The following LRP1B variants were observed in gnomAD, a reference collection of about 807,000 sequenced individuals.
LRP1B encodes low-density lipoprotein receptor-related protein 1B.
A neutral mutation model predicts 556.6 loss-of-function variants in LRP1B; 217 were observed. The ratio of observed to expected loss-of-function variants is 0.39; its 90% CI spans 0.35 to 0.44. The LOEUF is 0.44. Ranked by LOEUF, LRP1B falls within the 20% of genes least tolerant of loss-of-function variation. LRP1B has a pLI of 1.00. For missense variants in LRP1B, 5,053 were observed against 5,620.8 expected (o/e 0.90, Z 3.23); for synonymous variants, 2,047 against 1,865.8 (o/e 1.10, Z -2.50).
chr2:141,082,307 A>T (rs1244090963), intron 7 of LRP1B, among the ~76,000 whole-genome samples: 1 of 151,932 alleles, frequency 6.6e-6, no homozygotes, highest in Admixed American at 6.6e-5. Flanking sequence ...TGAGGTTCAA[A>T]TGAGCAAGTT....
intron 3 of LRP1B, among the ~76,000 whole-genome samples, chr2:141,258,218 G>A (rs1684553292): frequency 6.6e-6 from 1 of 152,154 alleles, no homozygotes; most frequent in Non-Finnish European, 1.5e-5. Flanking sequence ...GGAAGTGGTG[G>A]CTCACACTTA....
At chr2:140,592,449 T>C (rs970796453) in intron 43 of LRP1B, among the ~76,000 whole-genome samples, 3 of 151,980 alleles carry the variant, frequency 2.0e-5, no homozygotes, top group Admixed American at 2.0e-4. Flanking sequence ...ATATTTCCTT[T>C]TTTTTTTTAG....
chr2:140,825,332 C>T lies in LRP1B; in HGVS notation c.5210-11526G>A, dbSNP rs141702477. ...GCTGGAGTGGGAAGTTTCGGTCACACTGCACTTCCTTTTAGATTCTAAACT... is the reference window on the plus strand; with the variant it reads ...GCTGGAGTGGGAAGTTTCGGTCACATTGCACTTCCTTTTAGATTCTAAACT... On this transcript the variant is annotated intron_variant, in intron 31 of 90. Coordinates refer to ENST00000389484, the MANE Select transcript of LRP1B (RefSeq NM_018557.3). Among the ~76,000 whole-genome samples the T allele has an allele frequency of 6.6e-3, 1,010 of 152,294 alleles. 14 individuals carry two copies. The highest frequency in any genetic ancestry group is 0.023 in the African/African-American group (959 of 41,562).
chr2:140,344,134 A>G lies in LRP1B; in HGVS notation c.11892+6663T>C, dbSNP rs571102937. Reference sequence around the variant, plus strand: ...ATGCTCTAGATGTACCAGCATGTAAATTTATACAAAAATATTTGCATGGTA... The same window carrying G: ...ATGCTCTAGATGTACCAGCATGTAAGTTTATACAAAAATATTTGCATGGTA... On this transcript the variant is annotated intron_variant, in intron 77 of 90. Transcript: ENST00000389484. 3.0e-4 allele frequency among the ~76,000 whole-genome samples: 45 copies of G among 151,952 alleles called. 1 individual carries two copies. The South Asian group carries it at 5.6e-3, about 19-fold the overall frequency.
intron 1 of LRP1B, among the ~76,000 whole-genome samples, chr2:142,088,976 AAAAAAAAAAAAAAAAAAAAAG>A (rs1426835780): frequency 2.7e-5 from 1 of 37,722 alleles, no homozygotes; most frequent in South Asian, 1.1e-3. Context: ...CTCCGTCTCA[AAAAAAAAAAAAAAAAAAAAAG>A]AAAAAGAAAA....
intron 43 of LRP1B, among the ~76,000 whole-genome samples, chr2:140,551,953 T>TA (rs1680561763): frequency 6.6e-6 from 1 of 152,138 alleles, no homozygotes; most frequent in Admixed American, 6.6e-5. Context: ...CTGTGATAGA[T>TA]ACTATTTTAA....
At position 141,803,982 on chromosome 2, in the gene LRP1B, A is replaced by G. The variant is rs538520762; in HGVS notation, c.205+6297T>C. ...ATTCATGCAGATTCACATCTCACCTAATGACTTATAGACATTTTCATTTTT... is the reference window on the plus strand; with the variant it reads ...ATTCATGCAGATTCACATCTCACCTGATGACTTATAGACATTTTCATTTTT... On this transcript the variant is annotated intron_variant, in intron 2 of 90. Coordinates refer to ENST00000389484, the MANE Select transcript of LRP1B (RefSeq NM_018557.3). 2.0e-5 allele frequency among the ~76,000 whole-genome samples: 3 copies of G among 152,218 alleles called. No individual in the cohort carries two copies. In the South Asian group the frequency reaches 6.2e-4, roughly 32 times the overall value.
intron 7 of LRP1B, among the ~76,000 whole-genome samples, chr2:141,184,616 A>C (rs1019086491): frequency 8.6e-5 from 13 of 151,336 alleles, no homozygotes; most frequent in Non-Finnish European, 1.2e-4. Context: ...AAAAAAAAAA[A>C]CAGGGTTTTC....
Position 140,385,881 on chromosome 2 carries a change from A to C in LRP1B, c.10531+12T>G. ...GTCAAGCTCAAAACATTATTAGGCA[A>C]GAGTTACTTACTACAGTTTTCTTCA... On this transcript the variant is annotated intron_variant, in intron 67 of 90. Coordinates refer to ENST00000389484, the MANE Select transcript of LRP1B (RefSeq NM_018557.3). 2.6e-6 allele frequency: 4 copies of C among 1,554,238 alleles called. No homozygotes were observed. Among genetic ancestry groups the C allele is most frequent in the Non-Finnish European group, 3.6e-6 (4 of 1,125,906 alleles).
At chr2:140,255,841 C>T (rs1464493663) in intron 86 of LRP1B, among the ~76,000 whole-genome samples, 1 of 152,106 alleles carries the variant, frequency 6.6e-6, no homozygotes, top group African/African-American at 2.4e-5. Context: ...AACATTAATC[C>T]ACTATGGGAA....
rs915204184 is a variant in LRP1B at position 140,593,498 on chromosome 2, A to AT, written c.7194+5132dup. On this transcript the variant is annotated intron_variant, in intron 43 of 90. Coordinates refer to ENST00000389484, the MANE Select transcript of LRP1B (RefSeq NM_018557.3). ...GAAACATTACAGAATTATTTTCTGG[A>AT]TTTTTTTGCCTTAATAACTAAATTT... 1.5e-4 allele frequency among the ~76,000 whole-genome samples: 23 copies of AT among 152,262 alleles called. No individual in the cohort carries two copies. In the South Asian group the frequency reaches 1.9e-3, roughly 12 times the overall value.
chr2:140,430,848 G>C (rs1255528635), intron 66 of LRP1B, among the ~76,000 whole-genome samples: 1 of 152,118 alleles, frequency 6.6e-6, no homozygotes, highest in Non-Finnish European at 1.5e-5. Context: ...TACCCCTCAG[G>C]GATTGTTCAG....
chr2:141,831,391 C>T (rs936373484), intron 1 of LRP1B, among the ~76,000 whole-genome samples: 4 of 151,482 alleles, frequency 2.6e-5, no homozygotes, highest in Admixed American at 2.0e-4. Flanking sequence ...GTTATGTCTC[C>T]ATTTAAAAGT....
chr2:141,314,660 G>A lies in LRP1B; in HGVS notation c.344-60019C>T, dbSNP rs142910637. On this transcript the variant is annotated intron_variant, in intron 3 of 90. Coordinates refer to ENST00000389484, the MANE Select transcript of LRP1B (RefSeq NM_018557.3). ...GAAAAAATTAGCCGGGCGTGGTGGC[G>A]GGCACTGGTAGTCCCACCTAATCGG... 3.7e-3 allele frequency among the ~76,000 whole-genome samples: 562 copies of A among 151,166 alleles called. 7 individuals carry two copies. Among genetic ancestry groups the A allele is most frequent in the African/African-American group, 0.012 (510 of 41,212 alleles).
chr2:140,327,845 A>G (rs909867716), intron 79 of LRP1B, among the ~76,000 whole-genome samples: 7 of 152,138 alleles, frequency 4.6e-5, no homozygotes, highest in Non-Finnish European at 7.4e-5. Flanking sequence ...AGCTCTGGCC[A>G]TATTTTGTAC....
At chr2:142,090,006 GA>G (rs1172095034) in intron 1 of LRP1B, among the ~76,000 whole-genome samples, 2 of 151,826 alleles carry the variant, frequency 1.3e-5, no homozygotes, top group African/African-American at 2.4e-5. Flanking sequence ...GTTGCTGTCA[GA>G]AAAAAAGTAA....
At chr2:141,486,249 A>G (rs528399625) in intron 2 of LRP1B, among the ~76,000 whole-genome samples, 63 of 152,304 alleles carry the variant, frequency 4.1e-4, no homozygotes, top group Non-Finnish European at 2.9e-4. Context: ...TAAATTATGT[A>G]TAAGTCTTGA....
At chr2:141,319,957 C>G (rs1286756547) in intron 3 of LRP1B, among the ~76,000 whole-genome samples, 1 of 152,040 alleles carries the variant, frequency 6.6e-6, no homozygotes, top group African/African-American at 2.4e-5. Flanking sequence ...AGCAGTGCTT[C>G]TCAAACCTTA....
At chr2:140,661,846 C>G (rs974830390) in intron 41 of LRP1B, among the ~76,000 whole-genome samples, 2 of 152,246 alleles carry the variant, frequency 1.3e-5, no homozygotes, top group Non-Finnish European at 2.9e-5. Context: ...AAGTATATCT[C>G]TGTTCTATGT....
Sources: gnomAD v4.1 joint callset for allele counts (sites outside exome capture counted in the v4.1 genomes callset) on GRCh38, gnomAD v4.1.1 for gene constraint, MANE v1.5 for transcripts, NCBI Gene and HGNC (gene_info 2026-07-23, HGNC 2026-07-21) for gene names.